IL13RA1: variants seen among roughly 807,000 people sequenced by gnomAD.
The protein encoded by IL13RA1 is interleukin-13 receptor subunit alpha-1.
IL13RA1 carries 14 observed loss-of-function variants against 33.8 expected under a neutral mutation model. The observed-to-expected ratio is 0.41, with a 90% CI of 0.27 to 0.65. The LOEUF (loss-of-function observed/expected upper bound fraction) is 0.65, where lower values mean the gene tolerates loss of function less well. Ranked by LOEUF, IL13RA1 falls within the 30% of genes least tolerant of loss-of-function variation. IL13RA1 has a pLI of 0.28. For synonymous variants in IL13RA1, 116 were observed against 115.7 expected (o/e 1.00, Z -0.02); for missense variants, 313 against 327.0 (o/e 0.96, Z 0.33).
At chrX:118,767,706 G>A (rs1452569054) in intron 8 of IL13RA1, among the ~76,000 whole-genome samples, 1 of 111,913 alleles carries the variant, frequency 8.9e-6, no homozygotes, top group Non-Finnish European at 1.9e-5. Flanking sequence ...AGCAAGCTAG[G>A]CTCAAGTACA....
intron 5 of IL13RA1, among the ~76,000 whole-genome samples, chrX:118,758,613 G>A (rs1325395469): frequency 8.9e-6 from 1 of 111,776 alleles, no homozygotes; most frequent in East Asian, 2.8e-4. Context: ...ATTTCTTAGA[G>A]TTCTGGAGGC....
At chrX:118,804,684 T>C in the IL13RA1 span, among the ~76,000 whole-genome samples, 4 of 111,925 alleles carry the variant, frequency 3.6e-5, no homozygotes, top group Non-Finnish European at 7.5e-5. Context: ...AATGTTAGGT[T>C]GAGAAAAATT....
intron 10 of IL13RA1, among the ~76,000 whole-genome samples, chrX:118,779,357 A>G (rs2017817663): frequency 8.9e-6 from 1 of 112,072 alleles, no homozygotes; most frequent in Non-Finnish European, 1.9e-5. Flanking sequence ...CCAATGAAAC[A>G]TAACAATTGA....
At chrX:118,800,504 A>G in the IL13RA1 span, among the ~76,000 whole-genome samples, 6,520 of 110,463 alleles carry the variant, frequency 0.059, 507 homozygotes, top group African/African-American at 0.2. Flanking sequence ...AGCCAGTGAG[A>G]CCACGAACCC....
At chrX:118,762,271 T>G (rs1397782473) in intron 6 of IL13RA1, among the ~76,000 whole-genome samples, 1 of 112,439 alleles carries the variant, frequency 8.9e-6, no homozygotes, top group African/African-American at 3.2e-5. Flanking sequence ...AGATTTGAAT[T>G]TTTTGCCCAG....
intron 10 of IL13RA1, among the ~76,000 whole-genome samples, chrX:118,782,425 C>A (rs1037334392): frequency 1.8e-5 from 2 of 111,303 alleles, no homozygotes; most frequent in African/African-American, 6.5e-5. Flanking sequence ...TGCTTTCAGT[C>A]ATCAACTGAG....
intron 2 of IL13RA1, among the ~76,000 whole-genome samples, chrX:118,745,522 T>G (rs920615351): frequency 2.7e-5 from 3 of 112,130 alleles, no homozygotes; most frequent in Non-Finnish European, 3.8e-5. Flanking sequence ...TTTTGTGTCC[T>G]TGCTATGATT....
At chrX:118,743,223 G>C (rs1392805828) in intron 2 of IL13RA1, among the ~76,000 whole-genome samples, 1 of 111,672 alleles carries the variant, frequency 9.0e-6, no homozygotes, top group East Asian at 2.8e-4. Context: ...CTGTCCTTTG[G>C]GTACAGCATT....
intron 1 of IL13RA1, 41 bp downstream of exon 1, chrX:118,727,767 T>C (rs1162786315): frequency 1.6e-4 from 94 of 599,047 alleles, no homozygotes; most frequent in Non-Finnish European, 1.9e-4. Context: ...GCCGGAGGGC[T>C]GAGGGCGGTG....
chrX:118,770,570 G>A (rs778288414), intron 8 of IL13RA1: 83 of 506,750 alleles, frequency 1.6e-4, no homozygotes, highest in Middle Eastern at 7.1e-4. Flanking sequence ...CCCACGTTCC[G>A]CAAGCTGTTC....
intron 2 of IL13RA1, among the ~76,000 whole-genome samples, chrX:118,742,636 G>A (rs185154828): frequency 6.5e-4 from 73 of 111,920 alleles, no homozygotes; most frequent in African/African-American, 2.0e-3. Context: ...AGTAGAATCA[G>A]ATAGAATTGT....
intron 10 of IL13RA1, among the ~76,000 whole-genome samples, chrX:118,779,760 A>C (rs2017822554): frequency 8.9e-6 from 1 of 111,977 alleles, no homozygotes; most frequent in African/African-American, 3.2e-5. Context: ...GACGTAAGAG[A>C]CATTATTAAA....
At chrX:118,736,646 G>A (rs1478380850) in intron 1 of IL13RA1, among the ~76,000 whole-genome samples, 3 of 111,425 alleles carry the variant, frequency 2.7e-5, no homozygotes, top group Non-Finnish European at 5.6e-5. Flanking sequence ...TCGCTCTGTT[G>A]CCCAGGCTAG....
At chrX:118,749,968 T>C (rs1365243766) in intron 4 of IL13RA1, among the ~76,000 whole-genome samples, 190 bp downstream of exon 4, 2 of 112,143 alleles carry the variant, frequency 1.8e-5, no homozygotes, top group Non-Finnish European at 3.8e-5. Context: ...TATTTTTAAA[T>C]ATAGATCCTG....
chrX:118,740,009 T>G (rs1044882197), intron 1 of IL13RA1, among the ~76,000 whole-genome samples: 3 of 112,207 alleles, frequency 2.7e-5, no homozygotes, highest in African/African-American at 9.7e-5. Context: ...GGCATGATCT[T>G]GGCTCACTGC....
At chrX:118,748,585 G>T (rs1603210743) in intron 3 of IL13RA1, among the ~76,000 whole-genome samples, 1 of 110,088 alleles carries the variant, frequency 9.1e-6, no homozygotes, top group East Asian at 2.9e-4. Context: ...AGCAGAGGTT[G>T]CAGTGAGCCA....
Position 118,749,747 on chromosome X carries a change from A to G in IL13RA1, c.457A>G (p.Ser153Gly), listed in dbSNP as rs368784033. ...TTCTTGGCTCCCTGGAAGGAATACC[A>G]GTCCCGACACTAACTATACTCTCTA... ...KCSWLPGRNT[S>G]PDTNYTLYYW... The change falls in exon 4 of 11, where the codon AGT (serine) becomes GGT (glycine). Residue 153 changes from serine (S) to glycine (G), a missense_variant. Ser to Gly is a moderately conservative substitution (Grantham distance 56). Coordinates refer to ENST00000371666, the MANE Select transcript of IL13RA1 (RefSeq NM_001560.3). The G allele has an allele frequency of 3.2e-5, 37 of 1,160,745 alleles. No individual in the cohort carries two copies. The highest frequency in any genetic ancestry group is 4.2e-5 in the Non-Finnish European group (36 of 850,538).
intron 10 of IL13RA1, among the ~76,000 whole-genome samples, chrX:118,784,089 A>T (rs2017877560): frequency 8.2e-5 from 5 of 61,017 alleles, no homozygotes; most frequent in Admixed American, 2.8e-4. Flanking sequence ...AAAAAAAAAA[A>T]AATATATATA....
intron 8 of IL13RA1, chrX:118,770,797 A>T (rs1479047396): frequency 9.6e-6 from 3 of 314,015 alleles, no homozygotes; most frequent in Middle Eastern, 4.6e-4. Context: ...TGGCTTTGTC[A>T]TGCTGGTCAT....
Sources: gnomAD v4.1 joint callset for allele counts (sites outside exome capture counted in the v4.1 genomes callset) on GRCh38, gnomAD v4.1.1 for gene constraint, MANE v1.5 for transcripts, NCBI Gene and HGNC (gene_info 2026-07-23, HGNC 2026-07-21) for gene names.